TSHZ3: variants seen among roughly 807,000 people sequenced by gnomAD.
The protein encoded by TSHZ3 is teashirt homolog 3.
A neutral mutation model predicts 64.5 loss-of-function variants in TSHZ3; 10 were observed. The ratio of observed to expected loss-of-function variants is 0.16; its 90% CI spans 0.10 to 0.26. TSHZ3 has a LOEUF of 0.26. TSHZ3 is among the 10% of genes least tolerant of loss of function. The pLI is 1.00. For synonymous variants in TSHZ3, 608 were observed against 593.1 expected, an observed-to-expected ratio of 1.03 and a Z score of -0.36; for missense variants, 1,242 against 1,421.7, an observed-to-expected ratio of 0.87 and a Z score of 2.03.
chr19:31,294,275 T>C (rs1361396612), intron 1 of TSHZ3, among the ~76,000 whole-genome samples: 1 of 152,120 alleles, frequency 6.6e-6, no homozygotes, highest in East Asian at 1.9e-4. Context: ...CAGCCAACAC[T>C]CAGCGAATTC....
At chr19:31,216,414 A>G (rs961713270) in intron 4 of TSHZ3, among the ~76,000 whole-genome samples, 2 of 151,460 alleles carry the variant, frequency 1.3e-5, no homozygotes, top group Non-Finnish European at 2.9e-5. Flanking sequence ...GAGGGATGAG[A>G]GTCACCTGAG....
At chr19:31,335,554 C>A (rs1917217949) in intron 1 of TSHZ3, among the ~76,000 whole-genome samples, 1 of 152,190 alleles carries the variant, frequency 6.6e-6, no homozygotes, top group African/African-American at 2.4e-5. Flanking sequence ...GCTGTGTGTT[C>A]AGAAAACTCA....
intron 5 of TSHZ3, among the ~76,000 whole-genome samples, chr19:31,183,953 T>C (rs1974765359): frequency 6.6e-6 from 1 of 152,184 alleles, no homozygotes; most frequent in African/African-American, 2.4e-5. Flanking sequence ...TCCAACAATG[T>C]GTCTCCCCGG....
chr19:31,245,004 A>G (rs1599602420), intron 1 of TSHZ3, among the ~76,000 whole-genome samples: 1 of 152,224 alleles, frequency 6.6e-6, no homozygotes, highest in East Asian at 1.9e-4. Flanking sequence ...AAGCAGTCAA[A>G]TAAATACTCT....
intron 1 of TSHZ3, 32 bp downstream of exon 1, chr19:31,349,148 G>A (rs756041402): frequency 1.3e-6 from 2 of 1,538,776 alleles, no homozygotes; most frequent in African/African-American, 1.4e-5. Context: ...AAGAGGAGGA[G>A]GAGAGCAGAA....
chr19:31,209,775 C>T (rs1975238051), intron 4 of TSHZ3, among the ~76,000 whole-genome samples: 1 of 152,064 alleles, frequency 6.6e-6, no homozygotes, highest in Non-Finnish European at 1.5e-5. Flanking sequence ...TGTTTGTCAG[C>T]AGTTGGGATG....
At chr19:31,254,788 G>C (rs1054109488) in intron 1 of TSHZ3, among the ~76,000 whole-genome samples, 2 of 152,174 alleles carry the variant, frequency 1.3e-5, no homozygotes, top group Non-Finnish European at 2.9e-5. Flanking sequence ...AGGACAGCGG[G>C]AAGTGGCCTG....
At chr19:31,298,755 GAGGACAC>G (rs1343794191) in intron 1 of TSHZ3, among the ~76,000 whole-genome samples, 1 of 152,056 alleles carries the variant, frequency 6.6e-6, no homozygotes, top group Admixed American at 6.5e-5. Flanking sequence ...AATAGGGGAT[GAGGACAC>G]AGAACGAGGA....
chr19:31,309,200 C>T (rs1289854332), intron 1 of TSHZ3, among the ~76,000 whole-genome samples: 1 of 152,196 alleles, frequency 6.6e-6, no homozygotes, highest in African/African-American at 2.4e-5. Context: ...ACTTGGGGGT[C>T]CCTATGGTCT....
Position 31,277,943 on chromosome 19 carries a change from AC to A in TSHZ3, c.1849del (p.Val617SerfsTer12). ...CTCCACTTTGGCAACTTTCTCAGTG[AC>A]CTTTTTCACCAGCTCCTCCATGGCA... ...FHAMEELVKK[V>X]TEKVAKVEEK... On this transcript the variant is annotated frameshift_variant, in exon 2 of 2. Coordinates refer to ENST00000240587, the MANE Select transcript of TSHZ3 (RefSeq NM_020856.4). LOFTEE classifies it high-confidence loss of function. The surrounding 1 kb of genome is among the most constrained non-coding windows in gnomAD (Gnocchi z 4.5). The A allele has an allele frequency of 6.2e-7, 1 of 1,614,106 alleles. No individual in the cohort carries two copies.
chr19:31,297,243 G>A (rs755554456), intron 1 of TSHZ3, among the ~76,000 whole-genome samples: 19 of 152,164 alleles, frequency 1.2e-4, no homozygotes, highest in Admixed American at 2.0e-4. Flanking sequence ...TCCCTCCTGC[G>A]GATCACGTCG....
At chr19:31,301,442 G>A (rs976554642) in intron 1 of TSHZ3, among the ~76,000 whole-genome samples, 26 of 152,192 alleles carry the variant, frequency 1.7e-4, no homozygotes, top group Non-Finnish European at 2.9e-5. Flanking sequence ...ATCTGCTGGG[G>A]CTGTGCACTC....
intron 1 of TSHZ3, among the ~76,000 whole-genome samples, chr19:31,336,570 C>T (rs1353799878): frequency 2.0e-5 from 3 of 152,128 alleles, no homozygotes; most frequent in Admixed American, 6.5e-5. Flanking sequence ...TTAAAAAATC[C>T]GGTTATCTAA....
exon 7 of TSHZ3, among the ~76,000 whole-genome samples, chr19:31,151,466 A>AT (rs1276689156): frequency 3.9e-5 from 6 of 152,198 alleles, no homozygotes; most frequent in Non-Finnish European, 8.8e-5. Flanking sequence ...CTAGCCACCC[A>AT]GTCTTCAACC....
In TSHZ3 at chr19:31,156,359, G is replaced by T. The variant is rs529152743; in HGVS notation, n.868C>A. 2.1e-3 allele frequency among the ~76,000 whole-genome samples: 317 copies of T among 152,264 alleles called. 1 individual carries two copies. Among genetic ancestry groups the T allele is most frequent in the Non-Finnish European group, 4.0e-3 (269 of 68,012 alleles). ...AATAATTCCAGTCTCCAAATACCTT[G>T]TCTTTTCCTAAAGGCAGTAGGTCTT... On this transcript the variant is annotated non_coding_transcript_exon_variant, in exon 6 of 7. Coordinates refer to the TSHZ3 transcript ENST00000651361.
intron 3 of TSHZ3, among the ~76,000 whole-genome samples, chr19:31,238,645 C>A (rs1408809661): frequency 1.3e-5 from 2 of 152,146 alleles, no homozygotes; most frequent in Admixed American, 1.3e-4. Flanking sequence ...TTGTCTAATG[C>A]CCGTATTTAT....
chr19:31,339,092 G>A (rs1356367295), intron 1 of TSHZ3, among the ~76,000 whole-genome samples: 1 of 151,798 alleles, frequency 6.6e-6, no homozygotes, highest in African/African-American at 2.4e-5. Context: ...CTTCAATAAC[G>A]CACGTTTGAA....
intron 5 of TSHZ3, among the ~76,000 whole-genome samples, chr19:31,192,863 G>A (rs1258431241): frequency 6.6e-6 from 1 of 152,192 alleles, no homozygotes; most frequent in African/African-American, 2.4e-5. Context: ...CAGTTTTTAG[G>A]ATGACTCCTT....
exon 7 of TSHZ3, among the ~76,000 whole-genome samples, chr19:31,150,309 T>A (rs908204550): frequency 6.6e-6 from 1 of 152,168 alleles, no homozygotes; most frequent in Non-Finnish European, 1.5e-5. Flanking sequence ...CAGCTTGCAG[T>A]GGGCAAAGCG....
Sources: allele counts gnomAD v4.1 joint callset (sites outside exome capture counted in the v4.1 genomes callset), GRCh38; gene constraint gnomAD v4.1.1; non-coding constraint Gnocchi (gnomAD v3.1); transcripts MANE v1.5; gene names NCBI Gene and HGNC (gene_info 2026-07-23, HGNC 2026-07-21).